The following TRIO variants were observed in gnomAD, a reference collection of about 807,000 sequenced individuals.
TRIO encodes triple functional domain protein.
Under a neutral mutation model 351.9 loss-of-function variants are expected in TRIO, and 58 were observed. The ratio of observed to expected loss-of-function variants is 0.16; its 90% CI spans 0.13 to 0.21. TRIO has a LOEUF of 0.21. Ranked by LOEUF, TRIO falls within the 10% of genes least tolerant of loss-of-function variation. The pLI is 1.00. For synonymous variants in TRIO, 1,758 were observed against 1,595.7 expected (o/e 1.10, Z -2.42); for missense variants, 3,201 against 4,027.8 (o/e 0.79, Z 5.56).
At chr5:14,179,081 T>A (rs1789589095) in intron 1 of TRIO, among the ~76,000 whole-genome samples, 1 of 152,132 alleles carries the variant, frequency 6.6e-6, no homozygotes, top group Non-Finnish European at 1.5e-5. Context: ...AGAAAGCCTT[T>A]GTCACCGCCT....
intron 8 of TRIO, 95 bp downstream of exon 8, chr5:14,304,687 A>C: frequency 7.1e-7 from 1 of 1,410,124 alleles, no homozygotes. Flanking sequence ...GGTAGCCCAG[A>C]AAAAGTTTAT....
Position 14,374,291 on chromosome 5 carries a change from G to T in TRIO, c.3279G>T (p.Val1093=). The stretch of plus-strand genomic sequence containing the variant: ...TGAAATACCTGCACAGGAACAGCGT[G>T]AACATGCCAGGAATGGTGACGCACA... ...VFLKYLHRNS[V]NMPGMVTHIK... is the part of the protein sequence containing the mutation. Residue 1093 remains valine (V), a synonymous_variant, in exon 19 of 57, where the codon GTG becomes GTT. Transcript: ENST00000344204. 6.2e-7 allele frequency: 1 copy of T among 1,613,742 alleles called. No homozygotes were observed. Among genetic ancestry groups the T allele is most frequent in the South Asian group, 1.1e-5 (1 of 91,022 alleles).
At chr5:14,257,586 G>A (rs529913274) in intron 1 of TRIO, among the ~76,000 whole-genome samples, 56 of 152,262 alleles carry the variant, frequency 3.7e-4, no homozygotes, top group African/African-American at 8.7e-4. Context: ...GGGGACAGAC[G>A]GGGCGTGGGA....
At chr5:14,462,532 T>G (rs912973480) in intron 35 of TRIO, among the ~76,000 whole-genome samples, 3 of 152,206 alleles carry the variant, frequency 2.0e-5, no homozygotes, top group Non-Finnish European at 2.9e-5. Flanking sequence ...AGTCCCTTTA[T>G]ATGACACATG....
chr5:14,353,145 A>G (rs1743290593), intron 11 of TRIO, among the ~76,000 whole-genome samples: 1 of 152,194 alleles, frequency 6.6e-6, no homozygotes, highest in Non-Finnish European at 1.5e-5. Flanking sequence ...TAGAGAAGGA[A>G]GATTTTAAAA....
intron 1 of TRIO, among the ~76,000 whole-genome samples, chr5:14,221,580 G>A (rs767946954): frequency 6.6e-6 from 1 of 152,168 alleles, no homozygotes; most frequent in Non-Finnish European, 1.5e-5. Flanking sequence ...TTCCAGTCTC[G>A]TGGATGACTT....
chr5:14,251,097 T>C (rs578071619), intron 1 of TRIO, among the ~76,000 whole-genome samples: 1 of 152,282 alleles, frequency 6.6e-6, no homozygotes, highest in African/African-American at 2.4e-5. Flanking sequence ...CCACTGAGGC[T>C]TGATGAGGCC....
intron 43 of TRIO, among the ~76,000 whole-genome samples, chr5:14,480,405 C>T (rs1383069302): frequency 6.6e-6 from 1 of 151,790 alleles, no homozygotes; most frequent in Non-Finnish European, 1.5e-5. Flanking sequence ...ATTTTTTTTC[C>T]CCCACCACAG....
At position 14,492,692 on chromosome 5, in the gene TRIO, G is replaced by C. The variant is rs375858476; in HGVS notation, c.7758G>C (p.Gln2586His). ...EVVQILASNQ[Q>H]NMFLVFRAAT... Reference sequence around the variant, plus strand: ...TTCAAATTCTGGCCAGCAACCAGCAGAACATGTTTCTGGTGTTCCGAGCCG... The same window carrying C: ...TTCAAATTCTGGCCAGCAACCAGCACAACATGTTTCTGGTGTTCCGAGCCG... The change falls in exon 49 of 57, where the codon CAG becomes CAC. Residue 2586 changes from glutamine (Q) to histidine (H), a missense_variant. Around this residue, in one of 19 missense-constraint regions of TRIO, gnomAD observed 1,089 missense variants for 954.9 expected, o/e 1.14. Coordinates refer to ENST00000344204, the MANE Select transcript of TRIO (RefSeq NM_007118.4). 13 of 1,614,150 alleles carry C rather than the reference G, an allele frequency of 8.1e-6. No individual in the cohort carries two copies. In the African/African-American group the frequency reaches 1.5e-4, roughly 18 times the overall value.
chr5:14,188,955 C>T (rs1790299694), intron 1 of TRIO, among the ~76,000 whole-genome samples: 2 of 152,150 alleles, frequency 1.3e-5, no homozygotes, highest in Admixed American at 6.5e-5. Context: ...AGCAGTTGAG[C>T]TTTGGTTCAT....
In TRIO at chr5:14,270,868, A is replaced by G. The variant is rs558403842; in HGVS notation, c.201A>G (p.Pro67=). The G allele has an allele frequency of 6.2e-7, 1 of 1,614,050 alleles. No homozygotes were observed. The highest frequency in any genetic ancestry group is 1.7e-5 in the Admixed American group (1 of 60,024). ...NDEMKAMDVL[P]ILKEKVAYLS... is the part of the protein sequence containing the mutation. Reference sequence around the variant, plus strand: ...AAATGAAAGCTATGGATGTTTTACCAATTTTGAAGGAAAAAGTTGCATACC... The same window carrying G: ...AAATGAAAGCTATGGATGTTTTACCGATTTTGAAGGAAAAAGTTGCATACC... The change falls in exon 2 of 57, where the codon CCA becomes CCG. Residue 67 remains proline, a synonymous_variant. Coordinates refer to ENST00000344204, the MANE Select transcript of TRIO (RefSeq NM_007118.4).
At chr5:14,224,331 T>G (rs1394066812) in intron 1 of TRIO, among the ~76,000 whole-genome samples, 2 of 152,180 alleles carry the variant, frequency 1.3e-5, no homozygotes, top group Non-Finnish European at 2.9e-5. Flanking sequence ...TAAAATAGTT[T>G]ACAATATAAG....
chr5:14,361,873 T>G (rs978904448), intron 13 of TRIO, among the ~76,000 whole-genome samples: 2 of 152,198 alleles, frequency 1.3e-5, no homozygotes, highest in Non-Finnish European at 2.9e-5. Context: ...ATCCTAGCAC[T>G]TTGGGAGGCC....
At chr5:14,250,796 A>C (rs1308543535) in intron 1 of TRIO, among the ~76,000 whole-genome samples, 3 of 152,190 alleles carry the variant, frequency 2.0e-5, no homozygotes, top group Non-Finnish European at 2.9e-5. Flanking sequence ...GATTGAGGGC[A>C]GTTTGATTTA....
At chr5:14,181,735 A>G (rs796726518) in intron 1 of TRIO, among the ~76,000 whole-genome samples, 8 of 152,256 alleles carry the variant, frequency 5.3e-5, no homozygotes, top group African/African-American at 1.9e-4. Flanking sequence ...GTAAAGGTGG[A>G]TTAGAGGATT....
intron 21 of TRIO, among the ~76,000 whole-genome samples, chr5:14,387,117 C>T (rs986222325): frequency 6.6e-6 from 1 of 152,246 alleles, no homozygotes. Context: ...GTGAAGACCG[C>T]GTTCTTCGCA....
chr5:14,311,191 G>A (rs1738897638), intron 8 of TRIO, among the ~76,000 whole-genome samples: 1 of 152,224 alleles, frequency 6.6e-6, no homozygotes, highest in African/African-American at 2.4e-5. Context: ...TGCAGCCTAT[G>A]GAACACACAT....
At chr5:14,424,637 G>A (rs929455641) in intron 34 of TRIO, among the ~76,000 whole-genome samples, 2 of 152,122 alleles carry the variant, frequency 1.3e-5, no homozygotes, top group African/African-American at 4.8e-5. Flanking sequence ...AACTCCAGTG[G>A]GCACTACCAA....
chr5:14,239,728 G>A (rs934180471), intron 1 of TRIO, among the ~76,000 whole-genome samples: 4 of 152,162 alleles, frequency 2.6e-5, no homozygotes, highest in African/African-American at 9.7e-5. Flanking sequence ...GTTGCATGGA[G>A]GGATAATATA....
Sources: gnomAD v4.1 joint callset for allele counts (sites outside exome capture counted in the v4.1 genomes callset) on GRCh38, gnomAD v4.1.1 for gene constraint, gnomAD v4.1.1 regional missense constraint, MANE v1.5 for transcripts, NCBI Gene and HGNC (gene_info 2026-07-23, HGNC 2026-07-21) for gene names.